Variants in MARCHF1 observed in about 807,000 individuals in gnomAD.
MARCHF1 encodes E3 ubiquitin-protein ligase MARCHF1.
MARCHF1 carries 40 observed loss-of-function variants against 54.2 expected under a neutral mutation model. The observed-to-expected ratio is 0.74, with a 90% CI of 0.57 to 0.96. The LOEUF (loss-of-function observed/expected upper bound fraction) is 0.96, where lower values mean the gene tolerates loss of function less well. MARCHF1 is among the 40% of genes least tolerant of loss of function. The pLI is 0.00. For missense variants in MARCHF1, 586 were observed against 656.5 expected (o/e 0.89, Z 1.17); for synonymous variants, 236 against 236.3 (o/e 1.00, Z 0.01).
chr4:163,683,467 G>T (rs115729007), intron 5 of MARCHF1, among the ~76,000 whole-genome samples: 1 of 152,092 alleles, frequency 6.6e-6, no homozygotes, highest in African/African-American at 2.4e-5. Flanking sequence ...GCCAAACCAC[G>T]TCAATGATCT....
Position 163,709,214 on chromosome 4 carries a change from T to C in MARCHF1, c.112-8351A>G, listed in dbSNP as rs563699631. On this transcript the variant is annotated intron_variant, in intron 4 of 9. Transcript: ENST00000514618. ...ACCTTTAGTCCTTAGCATGGCGGGA[T>C]TGAGGGAAGCAGGCAGGCCCATGGG... Among the ~76,000 whole-genome samples, 6 of 152,204 alleles carry C rather than the reference T, an allele frequency of 3.9e-5. 1 individual carries two copies. The South Asian group carries it at 1.2e-3, about 32-fold the overall frequency.
chr4:163,626,537 T>C (rs565767335), intron 5 of MARCHF1, among the ~76,000 whole-genome samples: 1 of 152,308 alleles, frequency 6.6e-6, no homozygotes, highest in East Asian at 1.9e-4. Flanking sequence ...AGATGGGAAA[T>C]ACTGCTGCAG....
chr4:163,937,306 T>C (rs1248970837), intron 3 of MARCHF1, among the ~76,000 whole-genome samples: 1 of 152,018 alleles, frequency 6.6e-6, no homozygotes, highest in Non-Finnish European at 1.5e-5. Context: ...AAATATATGA[T>C]AAAAATATGC....
intron 4 of MARCHF1, among the ~76,000 whole-genome samples, chr4:163,847,161 A>C (rs755194275): frequency 1.3e-5 from 2 of 152,196 alleles, no homozygotes; most frequent in Non-Finnish European, 2.9e-5. Flanking sequence ...CTCAATTAAA[A>C]CATAAAATTC....
intron 1 of MARCHF1, among the ~76,000 whole-genome samples, chr4:164,205,755 C>A (rs1229039726): frequency 6.6e-6 from 1 of 151,976 alleles, no homozygotes; most frequent in African/African-American, 2.4e-5. Context: ...TCTAACTATT[C>A]TTGAATTTAA....
chr4:164,106,843 G>T (rs558225419), intron 2 of MARCHF1, among the ~76,000 whole-genome samples: 4 of 151,414 alleles, frequency 2.6e-5, no homozygotes, highest in East Asian at 1.9e-4. Context: ...CTTTTTCCCT[G>T]TGTTTCCAGA....
intron 3 of MARCHF1, among the ~76,000 whole-genome samples, chr4:163,951,707 G>T (rs1224977620): frequency 6.6e-6 from 1 of 152,156 alleles, no homozygotes; most frequent in Non-Finnish European, 1.5e-5. Flanking sequence ...TCCTAGAAAG[G>T]TCTTGTGGAT....
intron 4 of MARCHF1, among the ~76,000 whole-genome samples, chr4:163,798,753 A>G (rs1747993376): frequency 6.6e-6 from 1 of 152,154 alleles, no homozygotes; most frequent in Non-Finnish European, 1.5e-5. Context: ...GAGTGACAGC[A>G]AGGAAAGAGA....
intron 1 of MARCHF1, among the ~76,000 whole-genome samples, chr4:164,215,164 G>C (rs182796085): frequency 6.6e-6 from 1 of 152,294 alleles, no homozygotes; most frequent in East Asian, 1.9e-4. Context: ...TGACATGTGG[G>C]CTTGGAGAAT....
intron 8 of MARCHF1, among the ~76,000 whole-genome samples, chr4:163,563,816 T>G (rs2110985615): frequency 6.6e-6 from 1 of 152,332 alleles, no homozygotes; most frequent in Non-Finnish European, 1.5e-5. Flanking sequence ...ATTGTAGTCA[T>G]TAACATAGTG....
At chr4:164,199,614 T>G in intron 1 of MARCHF1, among the ~76,000 whole-genome samples, 1 of 138,970 alleles carries the variant, frequency 7.2e-6, no homozygotes, top group Non-Finnish European at 1.5e-5. Flanking sequence ...CCAGCCTGGG[T>G]GACAGAGCAG....
chr4:163,730,305 T>C (rs1745787901), intron 4 of MARCHF1, among the ~76,000 whole-genome samples: 1 of 152,182 alleles, frequency 6.6e-6, no homozygotes, highest in African/African-American at 2.4e-5. Context: ...TTCTTGACTT[T>C]TTCCATTTCT....
intron 5 of MARCHF1, among the ~76,000 whole-genome samples, chr4:163,670,839 G>T (rs796160549): frequency 2.0e-5 from 3 of 152,318 alleles, no homozygotes; most frequent in African/African-American, 7.2e-5. Context: ...CACTGTAAGT[G>T]TTCCTTTTAT....
intron 1 of MARCHF1, among the ~76,000 whole-genome samples, chr4:164,151,809 A>G (rs936799725): frequency 2.0e-5 from 3 of 152,054 alleles, no homozygotes; most frequent in Admixed American, 6.6e-5. Flanking sequence ...ATATTGGCCA[A>G]CGTCCTAATT....
intron 1 of MARCHF1, among the ~76,000 whole-genome samples, chr4:164,159,920 T>C (rs943366687): frequency 6.6e-6 from 1 of 152,174 alleles, no homozygotes; most frequent in African/African-American, 2.4e-5. Flanking sequence ...ATGGCAAATA[T>C]ATGACATTCA....
intron 7 of MARCHF1, among the ~76,000 whole-genome samples, chr4:163,589,290 C>G (rs1740509357): frequency 6.6e-6 from 1 of 152,058 alleles, no homozygotes; most frequent in African/African-American, 2.4e-5. Flanking sequence ...CTTCTTATGT[C>G]TCATAAAGTC....
intron 1 of MARCHF1, among the ~76,000 whole-genome samples, chr4:164,342,919 A>G (rs1729971055): frequency 6.6e-6 from 1 of 152,122 alleles, no homozygotes; most frequent in Non-Finnish European, 1.5e-5. Context: ...GATCTTACTT[A>G]TACGTGGAAT....
intron 3 of MARCHF1, among the ~76,000 whole-genome samples, chr4:163,888,584 A>T (rs1750589246): frequency 6.6e-6 from 1 of 152,170 alleles, no homozygotes; most frequent in Non-Finnish European, 1.5e-5. Context: ...TCTTGTTTGC[A>T]TAAGAGTTAT....
chr4:164,034,745 G>A (rs559685692), intron 2 of MARCHF1, among the ~76,000 whole-genome samples: 1 of 152,206 alleles, frequency 6.6e-6, no homozygotes, highest in East Asian at 1.9e-4. Context: ...AAAAAGAAAA[G>A]TGGCATAGCC....
Sources: gnomAD v4.1 joint callset for allele counts (sites outside exome capture counted in the v4.1 genomes callset) on GRCh38, gnomAD v4.1.1 for gene constraint, MANE v1.5 for transcripts, NCBI Gene and HGNC (gene_info 2026-07-23, HGNC 2026-07-21) for gene names.